PTPRT: variants seen among roughly 807,000 people sequenced by gnomAD.
The protein encoded by PTPRT is receptor-type tyrosine-protein phosphatase T.
A neutral mutation model predicts 176.8 loss-of-function variants in PTPRT; 56 were observed. That is an observed-to-expected ratio of 0.32 (90% CI 0.26 to 0.40). The LOEUF (loss-of-function observed/expected upper bound fraction) is 0.40. Ranked by LOEUF, PTPRT falls within the 10% of genes least tolerant of loss-of-function variation. PTPRT has a pLI of 1.00. For missense variants in PTPRT, 1,540 were observed against 1,908.2 expected, an observed-to-expected ratio of 0.81 and a Z score of 3.60; for synonymous variants, 783 against 739.0, an observed-to-expected ratio of 1.06 and a Z score of -0.96.
At chr20:42,508,937 A>G (rs1216258819) in intron 7 of PTPRT, among the ~76,000 whole-genome samples, 1 of 143,674 alleles carries the variant, frequency 7.0e-6, no homozygotes, top group Non-Finnish European at 1.5e-5. Flanking sequence ...AATATAATTT[A>G]TAAATATAAT....
At chr20:42,715,068 T>A (rs1330392598) in intron 6 of PTPRT, among the ~76,000 whole-genome samples, 1 of 152,124 alleles carries the variant, frequency 6.6e-6, no homozygotes, top group Non-Finnish European at 1.5e-5. Flanking sequence ...GAATATTACA[T>A]CAAAATCAAA....
At chr20:42,596,738 G>A (rs2073677884) in intron 7 of PTPRT, among the ~76,000 whole-genome samples, 1 of 152,324 alleles carries the variant, frequency 6.6e-6, no homozygotes, top group Non-Finnish European at 1.5e-5. Context: ...TATGAGAAAT[G>A]TGCAACCTTA....
At chr20:42,309,799 T>TA (rs1274725805) in intron 12 of PTPRT, among the ~76,000 whole-genome samples, 1 of 152,040 alleles carries the variant, frequency 6.6e-6, no homozygotes, top group East Asian at 1.9e-4. Flanking sequence ...ATATAGCAGC[T>TA]AAAAAAACAA....
At chr20:42,523,929 T>C (rs553328150) in intron 7 of PTPRT, among the ~76,000 whole-genome samples, 2 of 152,194 alleles carry the variant, frequency 1.3e-5, no homozygotes, top group East Asian at 3.9e-4. Flanking sequence ...AAGGCTGTAG[T>C]GTGCTATGTT....
intron 1 of PTPRT, among the ~76,000 whole-genome samples, chr20:42,887,032 C>T (rs1220040345): frequency 6.6e-6 from 1 of 152,180 alleles, no homozygotes. Context: ...TCCATCTTTT[C>T]CAATGTCCCT....
At chr20:42,680,057 T>C (rs1174539306) in intron 6 of PTPRT, among the ~76,000 whole-genome samples, 1 of 152,214 alleles carries the variant, frequency 6.6e-6, no homozygotes, top group African/African-American at 2.4e-5. Flanking sequence ...ATTTCACTTA[T>C]AGAGGGCCTC....
At position 43,115,467 on chromosome 20, in the gene PTPRT, CCCCATCGATGATACCACAGAG is replaced by C. The variant is rs546620974; in HGVS notation, c.88+74158_88+74178del. On this transcript the variant is annotated intron_variant, in intron 1 of 30. Transcript: ENST00000373187. Reference sequence around the variant, plus strand: ...AAAATTCTGGTTTCCTTTAATGATACCCCATCGATGATACCACAGAGCCATGGTTCTCAACCAGGGGTTATT... The same window carrying C: ...AAAATTCTGGTTTCCTTTAATGATACCCATGGTTCTCAACCAGGGGTTATT... Among the ~76,000 whole-genome samples, 24 of 152,286 alleles carry C rather than the reference CCCCATCGATGATACCACAGAG, an allele frequency of 1.6e-4. No homozygotes were observed. The East Asian group carries it at 4.3e-3, about 27-fold the overall frequency.
At chr20:42,658,686 A>T (rs923155403) in intron 7 of PTPRT, among the ~76,000 whole-genome samples, 7 of 152,234 alleles carry the variant, frequency 4.6e-5, no homozygotes, top group African/African-American at 1.7e-4. Context: ...TAAACTTGCA[A>T]ATATGAAATC....
chr20:42,762,270 T>A (rs972532657), intron 5 of PTPRT, among the ~76,000 whole-genome samples: 1 of 152,172 alleles, frequency 6.6e-6, no homozygotes, highest in Non-Finnish European at 1.5e-5. Context: ...GTTCCTAAAT[T>A]TTAATGTGCA....
At chr20:42,700,414 A>G (rs1305342351) in intron 6 of PTPRT, among the ~76,000 whole-genome samples, 1 of 150,982 alleles carries the variant, frequency 6.6e-6, no homozygotes, top group Non-Finnish European at 1.5e-5. Context: ...GGCTTAGGAA[A>G]CAGACGCAGA....
chr20:42,567,271 T>A (rs1351081610), intron 7 of PTPRT, among the ~76,000 whole-genome samples: 2 of 148,838 alleles, frequency 1.3e-5, no homozygotes, highest in Non-Finnish European at 3.0e-5. Flanking sequence ...TGAAACTCCA[T>A]CTCAAACAAA....
chr20:42,067,054 G>A, the PTPRT span, among the ~76,000 whole-genome samples: 1 of 152,248 alleles, frequency 6.6e-6, no homozygotes, highest in East Asian at 1.9e-4. Flanking sequence ...ATCTTTTCAT[G>A]TGTCTGGTGA....
intron 1 of PTPRT, among the ~76,000 whole-genome samples, chr20:43,105,069 T>C (rs3092409): frequency 0.52 from 79,382 of 151,816 alleles, 21,408 homozygotes; most frequent in African/African-American, 0.63. Context: ...CCCAGGCCTC[T>C]GAGGTCTGGA....
At position 42,725,009 on chromosome 20, in the gene PTPRT, T is replaced by TGTGTGTGTGTGTG. The variant is rs1569113401; in HGVS notation, c.859+31452_859+31453insCACACACACACAC. ...CTTGACAGCAGGATGTGGACATCTT[T>TGTGTGTGTGTGTG]TGTGTGTGTGTGTGTGTGTGTGTGT... is the stretch of plus-strand genomic sequence containing the variant. On this transcript the variant is annotated intron_variant, in intron 6 of 30. Coordinates refer to ENST00000373187, the MANE Select transcript of PTPRT (RefSeq NM_007050.6). Among the ~76,000 whole-genome samples the TGTGTGTGTGTGTG allele has an allele frequency of 2.8e-3, 380 of 134,036 alleles. 3 individuals are homozygous for TGTGTGTGTGTGTG. The highest frequency in any genetic ancestry group is 9.6e-3 in the African/African-American group (364 of 38,048). The allele number at this position is 134,036 out of a possible 152,430, so 87.9% of individuals were successfully genotyped here.
At chr20:43,084,574 C>T (rs547036400) in intron 1 of PTPRT, among the ~76,000 whole-genome samples, 2 of 152,332 alleles carry the variant, frequency 1.3e-5, no homozygotes. Flanking sequence ...CCTCCCTCAA[C>T]ATGTGCGGAT....
chr20:42,914,363 A>T (rs1459127025), intron 1 of PTPRT, among the ~76,000 whole-genome samples: 1 of 152,212 alleles, frequency 6.6e-6, no homozygotes. Context: ...CCTCTTTCCC[A>T]GAAGCCGGGA....
chr20:42,545,572 G>A (rs1020027544), intron 7 of PTPRT, among the ~76,000 whole-genome samples: 1 of 152,120 alleles, frequency 6.6e-6, no homozygotes, highest in South Asian at 2.1e-4. Flanking sequence ...TACCCAGAAA[G>A]AGTCTTCTCT....
chr20:42,968,794 A>C (rs908423877), intron 1 of PTPRT: 5 of 152,364 alleles, frequency 3.3e-5, no homozygotes, highest in Middle Eastern at 3.4e-3. Context: ...ACCAGGGCCT[A>C]GGTCTGCCTG....
intron 13 of PTPRT, among the ~76,000 whole-genome samples, chr20:42,266,265 T>C (rs1159921215): frequency 1.3e-5 from 2 of 152,140 alleles, no homozygotes; most frequent in African/African-American, 4.8e-5. Context: ...CACAGCTCTT[T>C]TTTCTGTAGA....
Sources: gnomAD v4.1 joint callset for allele counts (sites outside exome capture counted in the v4.1 genomes callset) on GRCh38, gnomAD v4.1.1 for gene constraint, MANE v1.5 for transcripts, NCBI Gene and HGNC (gene_info 2026-07-23, HGNC 2026-07-21) for gene names.